MYO1D: variants seen among roughly 807,000 people sequenced by gnomAD.
MYO1D encodes myosin ID.
In MYO1D, 83 loss-of-function variants were observed where a neutral mutation model predicts 122.0. The observed-to-expected ratio is 0.68, with a 90% CI of 0.57 to 0.82. The LOEUF (loss-of-function observed/expected upper bound fraction) is 0.82. MYO1D is among the 40% of genes least tolerant of loss of function. MYO1D has a pLI of 0.00. For synonymous variants in MYO1D, 464 were observed against 446.9 expected, an observed-to-expected ratio of 1.04 and a Z score of -0.48; for missense variants, 1,157 against 1,269.5, an observed-to-expected ratio of 0.91 and a Z score of 1.35.
intron 21 of MYO1D, chr17:32,504,701 TCCGTGTCC>T (rs1201527681): frequency 6.6e-6 from 1 of 152,284 alleles, no homozygotes; most frequent in Admixed American, 6.5e-5. Context: ...AATGATCCAG[TCCGTGTCC>T]CCTCTCTTAG....
chr17:32,738,457 G>A (rs934104952), intron 13 of MYO1D, 72 bp from the exon 14 acceptor site: 13 of 1,411,906 alleles, frequency 9.2e-6, no homozygotes, highest in African/African-American at 2.9e-5. Flanking sequence ...AAGCAATTCT[G>A]CTGAAATGTA....
At chr17:32,820,005 G>C (rs1178501737) in intron 1 of MYO1D, among the ~76,000 whole-genome samples, 3 of 152,190 alleles carry the variant, frequency 2.0e-5, no homozygotes, top group Non-Finnish European at 4.4e-5. Context: ...GTCATCTTTG[G>C]ATTATGTCTC....
chr17:32,873,334 A>T (rs545079761), intron 1 of MYO1D, among the ~76,000 whole-genome samples: 1 of 152,298 alleles, frequency 6.6e-6, no homozygotes, highest in Admixed American at 6.5e-5. Flanking sequence ...CTTGCAGAAG[A>T]GCCAGGTGGG....
intron 1 of MYO1D, among the ~76,000 whole-genome samples, chr17:32,805,991 G>C (rs1381999426): frequency 6.6e-6 from 1 of 152,214 alleles, no homozygotes; most frequent in Admixed American, 6.5e-5. Flanking sequence ...GGGTGCAGTG[G>C]CTCACGCCTG....
At chr17:32,528,369 G>A (rs927945372) in intron 21 of MYO1D, among the ~76,000 whole-genome samples, 2 of 152,162 alleles carry the variant, frequency 1.3e-5, no homozygotes, top group South Asian at 4.1e-4. Context: ...GGCAGAGCTG[G>A]GAAGCTGGCT....
intron 16 of MYO1D, among the ~76,000 whole-genome samples, chr17:32,704,481 T>A (rs1387794658): frequency 6.6e-6 from 1 of 152,238 alleles, no homozygotes; most frequent in East Asian, 1.9e-4. Context: ...GGTACAATCT[T>A]TCTAGGGGCC....
At chr17:32,531,962 C>T (rs1910518902) in intron 21 of MYO1D, among the ~76,000 whole-genome samples, 1 of 152,190 alleles carries the variant, frequency 6.6e-6, no homozygotes, top group Non-Finnish European at 1.5e-5. Flanking sequence ...TACAATGGCA[C>T]TCACTCTTAA....
intron 16 of MYO1D, among the ~76,000 whole-genome samples, chr17:32,674,565 A>G (rs2088777197): frequency 6.6e-6 from 1 of 152,108 alleles, no homozygotes; most frequent in Admixed American, 6.6e-5. Flanking sequence ...ATTTGTTTGT[A>G]CTGTGCTGCT....
At chr17:32,594,624 C>T in intron 21 of MYO1D, 1 of 622,198 alleles carries the variant, frequency 1.6e-6, no homozygotes. Context: ...TCTTTTAGGT[C>T]TTATAATATC....
chr17:32,857,601 AAT>A (rs1262995464), intron 1 of MYO1D, among the ~76,000 whole-genome samples: 3 of 151,674 alleles, frequency 2.0e-5, no homozygotes, highest in Admixed American at 1.3e-4. Flanking sequence ...AAAAAAAAAA[AAT>A]AGACTCCTTT....
rs904348982 is a variant in MYO1D at position 32,785,525 on chromosome 17, AT to A, written c.96-4742del. Among the ~76,000 whole-genome samples the A allele has an allele frequency of 4.9e-4, 75 of 152,016 alleles. 1 individual carries two copies. In the Middle Eastern group the frequency reaches 0.014, roughly 28 times the overall value. ...GGAGAGGTGTCCATCTACCCATGCC[AT>A]TTTTTTTGGCCTTTCACTATCTCCT... is the stretch of plus-strand genomic sequence containing the variant. On this transcript the variant is annotated intron_variant, in intron 1 of 21. Transcript: ENST00000318217.
intron 19 of MYO1D, among the ~76,000 whole-genome samples, chr17:32,643,899 G>T (rs535095690): frequency 4.6e-5 from 7 of 152,092 alleles, no homozygotes; most frequent in African/African-American, 1.7e-4. Flanking sequence ...TTTTTGAAGG[G>T]TTTTTTGTGT....
chr17:32,710,392 G>T (rs766066434), intron 16 of MYO1D, among the ~76,000 whole-genome samples: 5 of 152,062 alleles, frequency 3.3e-5, no homozygotes, highest in Admixed American at 6.5e-5. Context: ...CTCACCATAT[G>T]GAGAAAAATA....
intron 3 of MYO1D, among the ~76,000 whole-genome samples, chr17:32,776,370 G>A (rs550902261): frequency 9.3e-5 from 14 of 151,218 alleles, no homozygotes; most frequent in Non-Finnish European, 1.8e-4. Context: ...GTATGTTCAC[G>A]TGTGTGTGTG....
chr17:32,831,237 G>A (rs940344650), intron 1 of MYO1D, among the ~76,000 whole-genome samples: 2 of 152,116 alleles, frequency 1.3e-5, no homozygotes, highest in African/African-American at 2.4e-5. Context: ...AAATTCTGCC[G>A]AGAAAGAGAA....
chr17:32,796,818 G>A (rs2090420921), intron 1 of MYO1D, among the ~76,000 whole-genome samples: 1 of 152,106 alleles, frequency 6.6e-6, no homozygotes, highest in Non-Finnish European at 1.5e-5. Context: ...AATTTATACT[G>A]GTAGGAAGCC....
At chr17:32,735,778 A>G (rs902032691) in intron 14 of MYO1D, among the ~76,000 whole-genome samples, 1 of 152,074 alleles carries the variant, frequency 6.6e-6, no homozygotes, top group African/African-American at 2.4e-5. Context: ...CTTGTCTTGG[A>G]TAATTTTGAT....
intron 8 of MYO1D, 91 bp downstream of exon 8, chr17:32,764,787 T>C (rs2090037969): frequency 5.1e-6 from 7 of 1,381,900 alleles, no homozygotes; most frequent in Non-Finnish European, 6.2e-6. Context: ...TTAACCCTCT[T>C]TCAAGAATGT....
intron 16 of MYO1D, among the ~76,000 whole-genome samples, chr17:32,670,739 C>T (rs537130271): frequency 1.3e-5 from 2 of 152,226 alleles, no homozygotes; most frequent in South Asian, 4.1e-4. Context: ...TACTCACAAA[C>T]CAATTAGCAT....
Sources: gnomAD v4.1 joint callset for allele counts (sites outside exome capture counted in the v4.1 genomes callset) on GRCh38, gnomAD v4.1.1 for gene constraint, MANE v1.5 for transcripts, NCBI Gene and HGNC (gene_info 2026-07-23, HGNC 2026-07-21) for gene names.